Variants in CSMD1 observed in about 807,000 individuals in gnomAD.
CSMD1 encodes the protein CUB and Sushi multiple domains 1, also known as CUB and sushi domain-containing protein 1.
A neutral mutation model predicts 417.5 loss-of-function variants in CSMD1; 213 were observed. The ratio of observed to expected loss-of-function variants is 0.51; its 90% CI spans 0.46 to 0.57. The LOEUF (loss-of-function observed/expected upper bound fraction) is 0.57, where lower values mean the gene tolerates loss of function less well. Ranked by LOEUF, CSMD1 falls within the 20% of genes least tolerant of loss-of-function variation. The probability of loss-of-function intolerance (pLI) is 0.00; values close to 1 mark genes in which losing one functional copy is unlikely to be tolerated. For synonymous variants in CSMD1, 2,862 were observed against 1,736.8 expected (o/e 1.65, Z -16.11); for missense variants, 6,923 against 4,529.7 (o/e 1.53, Z -15.17).
chr8:2,995,154 T>C (rs1200549298), intron 54 of CSMD1, among the ~76,000 whole-genome samples: 3 of 152,158 alleles, frequency 2.0e-5, no homozygotes, highest in Admixed American at 1.3e-4. Flanking sequence ...GACAAATGAC[T>C]ATTACACAGA....
At chr8:4,916,015 T>G (rs903653356) in intron 1 of CSMD1, among the ~76,000 whole-genome samples, 15 of 152,206 alleles carry the variant, frequency 9.9e-5, no homozygotes, top group African/African-American at 3.1e-4. Flanking sequence ...CTACACCTGT[T>G]GCCCCTCGTT....
intron 8 of CSMD1, among the ~76,000 whole-genome samples, chr8:3,590,931 C>G (rs997093819): frequency 6.6e-6 from 1 of 152,176 alleles, no homozygotes; most frequent in African/African-American, 2.4e-5. Flanking sequence ...TAAGTTTTCA[C>G]TGATTTATGA....
At chr8:4,133,314 G>A (rs529195131) in intron 3 of CSMD1, among the ~76,000 whole-genome samples, 12 of 152,332 alleles carry the variant, frequency 7.9e-5, no homozygotes, top group African/African-American at 1.9e-4. Context: ...ATACTGGAAT[G>A]AGGACAAATA....
intron 5 of CSMD1, among the ~76,000 whole-genome samples, chr8:3,766,499 C>T (rs1053740451): frequency 1.3e-5 from 2 of 152,076 alleles, no homozygotes; most frequent in Admixed American, 1.3e-4. Context: ...CAGGGAGACA[C>T]CCTTTGCCTC....
At chr8:4,498,351 T>C (rs931133632) in intron 2 of CSMD1, among the ~76,000 whole-genome samples, 1 of 152,198 alleles carries the variant, frequency 6.6e-6, no homozygotes, top group African/African-American at 2.4e-5. Flanking sequence ...TTATTTCTTA[T>C]GTATTTATAT....
chr8:4,870,573 C>G (rs766415903), intron 1 of CSMD1, among the ~76,000 whole-genome samples: 4 of 152,054 alleles, frequency 2.6e-5, no homozygotes, highest in Non-Finnish European at 5.9e-5. Flanking sequence ...CCAGGCTTCT[C>G]TAGAATCAGA....
At chr8:4,807,556 C>T (rs1021144516) in intron 1 of CSMD1, among the ~76,000 whole-genome samples, 5 of 152,104 alleles carry the variant, frequency 3.3e-5, no homozygotes, top group South Asian at 2.1e-4. Context: ...TTCATTGTTC[C>T]GTGGGCCTGA....
chr8:3,569,553 A>G (rs984879669), intron 10 of CSMD1, among the ~76,000 whole-genome samples: 5 of 152,218 alleles, frequency 3.3e-5, no homozygotes, highest in Admixed American at 1.3e-4. Context: ...CAAACACACA[A>G]ATTGAAGTAT....
chr8:3,955,431 T>C lies in CSMD1; in HGVS notation c.818+42472A>G, dbSNP rs183010561. Among the ~76,000 whole-genome samples, 160 of 152,212 alleles carry C rather than the reference T, an allele frequency of 1.1e-3. 1 individual carries two copies. The highest frequency in any genetic ancestry group is 3.7e-3 in the African/African-American group (152 of 41,536). On this transcript the variant is annotated intron_variant, in intron 5 of 69. Transcript: ENST00000635120. ...TCCATTTAAGACACAGGTCAACAAATAAACCAGAATGAAAAAATGTAGAAA... is the reference window on the plus strand; with the variant it reads ...TCCATTTAAGACACAGGTCAACAAACAAACCAGAATGAAAAAATGTAGAAA...
intron 10 of CSMD1, among the ~76,000 whole-genome samples, chr8:3,495,435 C>T (rs567076900): frequency 7.2e-5 from 11 of 152,074 alleles, no homozygotes; most frequent in Middle Eastern, 3.4e-3. Context: ...TATGAATGGG[C>T]TCTCATTAGG....
At chr8:3,818,624 G>A (rs1801533345) in intron 5 of CSMD1, among the ~76,000 whole-genome samples, 1 of 152,026 alleles carries the variant, frequency 6.6e-6, no homozygotes, top group African/African-American at 2.4e-5. Context: ...GGGTCCCATG[G>A]GTCCCCACAG....
rs777737107 is a variant in CSMD1, at chr8:3,087,258, A to G, written c.7313T>C (p.Leu2438Pro). The change falls in exon 49 of 70, where the codon CTG becomes CCG. Residue 2438 changes from leucine (L) to proline (P), a missense_variant. Transcript: ENST00000635120. ...AAPYCSLTHP[L>P]KNGGILNRTA... ...CCTGTTTAGAATACCCCCATTCTTCAGGGGGTGGGTCAAACTGCAGTAAGG... is the reference window on the plus strand; with the variant it reads ...CCTGTTTAGAATACCCCCATTCTTCGGGGGGTGGGTCAAACTGCAGTAAGG... 1 of 1,613,912 alleles carries G rather than the reference A, an allele frequency of 6.2e-7. No homozygotes were observed. Among genetic ancestry groups the G allele is most frequent in the African/African-American group, 1.3e-5 (1 of 75,032 alleles).
At chr8:4,300,864 T>A (rs908669168) in intron 3 of CSMD1, among the ~76,000 whole-genome samples, 1 of 152,214 alleles carries the variant, frequency 6.6e-6, no homozygotes, top group Non-Finnish European at 1.5e-5. Context: ...GGACATGAAC[T>A]CATCATTTTT....
At chr8:4,434,425 T>G (rs906389662) in intron 2 of CSMD1, among the ~76,000 whole-genome samples, 1 of 152,182 alleles carries the variant, frequency 6.6e-6, no homozygotes, top group Non-Finnish European at 1.5e-5. Context: ...AGCCACTTTT[T>G]GAACTCAGCC....
chr8:4,422,509 A>T (rs1797306752), intron 2 of CSMD1, among the ~76,000 whole-genome samples: 1 of 152,104 alleles, frequency 6.6e-6, no homozygotes, highest in African/African-American at 2.4e-5. Flanking sequence ...ACACATACTG[A>T]GAAAAGACCA....
chr8:4,624,114 T>C (rs1329671318), intron 2 of CSMD1, among the ~76,000 whole-genome samples: 1 of 152,180 alleles, frequency 6.6e-6, no homozygotes, highest in East Asian at 1.9e-4. Context: ...CTGGGCTCTC[T>C]GTATACCAAA....
chr8:3,277,411 C>G (rs1212993070), intron 26 of CSMD1, among the ~76,000 whole-genome samples: 1 of 152,138 alleles, frequency 6.6e-6, no homozygotes, highest in Non-Finnish European at 1.5e-5. Context: ...CAGGGCAGCT[C>G]AGACCCCCAG....
chr8:3,749,130 A>G (rs1797196233), intron 6 of CSMD1, among the ~76,000 whole-genome samples: 1 of 152,204 alleles, frequency 6.6e-6, no homozygotes, highest in African/African-American at 2.4e-5. Context: ...TATCTTGTAG[A>G]CACTGAAAAC....
At chr8:4,553,999 G>C (rs1797983844) in intron 2 of CSMD1, among the ~76,000 whole-genome samples, 1 of 152,162 alleles carries the variant, frequency 6.6e-6, no homozygotes, top group Non-Finnish European at 1.5e-5. Flanking sequence ...TCTGGCCAAA[G>C]CTTAGTAGAC....
Sources: gnomAD v4.1 joint callset for allele counts (sites outside exome capture counted in the v4.1 genomes callset) on GRCh38, gnomAD v4.1.1 for gene constraint, MANE v1.5 for transcripts, NCBI Gene and HGNC (gene_info 2026-07-23, HGNC 2026-07-21) for gene names.